Variants in DIPK2B observed in about 807,000 individuals in gnomAD.
DIPK2B encodes divergent protein kinase domain 2B, also known as UPF0672 protein CXorf36.
A neutral mutation model predicts 22.2 loss-of-function variants in DIPK2B; 15 were observed. That is an observed-to-expected ratio of 0.68 (90% CI 0.45 to 1.04). DIPK2B has a LOEUF of 1.04. Among genes scored for constraint, DIPK2B ranks in the 50% least tolerant of loss-of-function variants. DIPK2B has a pLI of 0.00. For missense variants in DIPK2B, 345 were observed against 348.3 expected, an observed-to-expected ratio of 0.99 and a Z score of 0.08; for synonymous variants, 163 against 153.2, an observed-to-expected ratio of 1.06 and a Z score of -0.47.
intron 2 of DIPK2B, among the ~76,000 whole-genome samples, chrX:45,175,165 C>T (rs1415038378): frequency 9.0e-6 from 1 of 111,361 alleles, no homozygotes; most frequent in African/African-American, 3.3e-5. Flanking sequence ...CATGCCGGGT[C>T]CATAGAAAGT....
chrX:45,196,071 C>T (rs1363225579), intron 1 of DIPK2B, among the ~76,000 whole-genome samples: 3 of 112,466 alleles, frequency 2.7e-5, no homozygotes, highest in Non-Finnish European at 5.6e-5. Context: ...AAAGTAAACT[C>T]CTTCAGAGCA....
rs981246186 is a variant in DIPK2B at position 45,149,788 on chromosome X, T to A, written c.*1864A>T. ...TTCACTGGGGCTCAGCTTGCAGGGG[T>A]TCTAGAAATATCTCCACAGATCGCT... On this transcript the variant is annotated 3_prime_UTR_variant, in exon 5 of 5. Transcript: ENST00000398000. The A allele has an allele frequency of 5.3e-5, 6 of 112,357 alleles. No individual in the cohort carries two copies. The highest frequency in any genetic ancestry group is 2.0e-4 in the African/African-American group (6 of 30,765). 9.3% of individuals were successfully genotyped at this position (112,357 alleles called of 1,213,427 possible).
At chrX:45,167,933 C>A (rs1024631361) in intron 2 of DIPK2B, among the ~76,000 whole-genome samples, 4 of 112,645 alleles carry the variant, frequency 3.6e-5, no homozygotes, top group African/African-American at 1.3e-4. Flanking sequence ...GATCCGCCTG[C>A]CTTGGCCTCC....
intron 2 of DIPK2B, among the ~76,000 whole-genome samples, chrX:45,188,471 G>A (rs746073984): frequency 8.9e-4 from 100 of 112,179 alleles, no homozygotes; most frequent in Non-Finnish European, 1.7e-3. Flanking sequence ...TTAACTTCCC[G>A]GCACAAATTA....
At chrX:45,172,541 ACT>A (rs1322350472) in intron 2 of DIPK2B, among the ~76,000 whole-genome samples, 1 of 109,097 alleles carries the variant, frequency 9.2e-6, no homozygotes, top group Non-Finnish European at 1.9e-5. Flanking sequence ...CCTATTAAAG[ACT>A]CTTTCTTTCC....
rs1232898063 is a variant in DIPK2B at position 45,153,521 on chromosome X, T to TGTGTGA, written c.961+388_961+389insTCACAC. On this transcript the variant is annotated intron_variant, in intron 4 of 4. Coordinates refer to ENST00000398000, the MANE Select transcript of DIPK2B (RefSeq NM_176819.4). Reference sequence around the variant, plus strand: ...GTGTGTGTGTGTGTGTGTGTGTGTGTGACAGAGAGAGAGGAGAGAGAGAGA... The same window carrying TGTGTGA: ...GTGTGTGTGTGTGTGTGTGTGTGTGTGTGTGAGACAGAGAGAGAGGAGAGAGAGAGA... 5.9e-3 allele frequency among the ~76,000 whole-genome samples: 566 copies of TGTGTGA among 96,682 alleles called. 10 individuals carry two copies. Among genetic ancestry groups the TGTGTGA allele is most frequent in the African/African-American group, 0.021 (513 of 24,417 alleles). 84.0% of individuals were successfully genotyped at this position (96,682 alleles called of 115,157 possible).
chrX:45,148,934 G>A lies in DIPK2B; in HGVS notation c.*2718C>T, dbSNP rs1299806801. 4.5e-5 allele frequency: 5 copies of A among 112,142 alleles called. No homozygotes were observed. The East Asian group carries it at 1.4e-3, about 32-fold the overall frequency. The allele number at this position is 112,142 out of a possible 1,213,427, so 9.2% of individuals were successfully genotyped here. A position where few individuals can be genotyped will look rare whatever the true frequency, so the allele number is the denominator to read the frequency against. On this transcript the variant is annotated 3_prime_UTR_variant, in exon 5 of 5. Coordinates refer to ENST00000398000, the MANE Select transcript of DIPK2B (RefSeq NM_176819.4). ...TTCTGCTGATACAGGTGGGTCCCAA[G>A]TCTGCATTTCCTGTCTGGACTCAGC...
chrX:45,163,335 T>C, intron 2 of DIPK2B: 26 of 644,970 alleles, frequency 4.0e-5, no homozygotes, highest in Non-Finnish European at 4.8e-5. Context: ...GACATGTATA[T>C]GTATCTCCTA....
chrX:45,197,330 C>T (rs1333258251), intron 1 of DIPK2B, among the ~76,000 whole-genome samples: 3 of 110,696 alleles, frequency 2.7e-5, no homozygotes, highest in Non-Finnish European at 3.8e-5. Context: ...CTCCGCCTCC[C>T]GGGTTCAAGC....
chrX:45,157,530 C>G (rs1212239285), intron 3 of DIPK2B, among the ~76,000 whole-genome samples, 185 bp downstream of exon 3: 3 of 111,771 alleles, frequency 2.7e-5, no homozygotes, highest in Admixed American at 9.5e-5. Flanking sequence ...GGCTCCCACA[C>G]CTGTTTCCTC....
In DIPK2B at chrX:45,154,334, A is replaced by T. The variant is rs866714617; in HGVS notation, c.673-136T>A. ...ATCTATCTATCTGTCTATCTATATC[A>T]ATCATCTATATCTATCATCTATCTC... On this transcript the variant is annotated intron_variant, in intron 3 of 4. Transcript: ENST00000398000. 1.2e-4 allele frequency: 65 copies of T among 530,644 alleles called. No individual in the cohort carries two copies. In the African/African-American group the frequency reaches 1.3e-3, roughly 11 times the overall value. 43.7% of individuals were successfully genotyped at this position (530,644 alleles called of 1,213,427 possible).
chrX:45,176,575 G>A (rs763127736), intron 2 of DIPK2B, among the ~76,000 whole-genome samples: 1 of 112,024 alleles, frequency 8.9e-6, no homozygotes, highest in South Asian at 3.7e-4. Flanking sequence ...CACATGTTGG[G>A]GCTCTAGATG....
At chrX:45,153,555 AAG>A (rs1371925535) in intron 4 of DIPK2B, among the ~76,000 whole-genome samples, 26 of 32,319 alleles carry the variant, frequency 8.0e-4, no homozygotes, top group South Asian at 1.4e-3. Flanking sequence ...GAGAGTGAGA[AAG>A]AGAGAGAGAG....
Position 45,157,777 on chromosome X carries a change from C to T in DIPK2B, c.610G>A (p.Asp204Asn), listed in dbSNP as rs1253132192. The T allele has an allele frequency of 1.7e-6, 2 of 1,194,060 alleles. No individual in the cohort carries two copies. The highest frequency in any genetic ancestry group is 1.1e-6 in the Non-Finnish European group (1 of 887,400). ...TAGAGCAGGCGCAGCTTGTCACGGT[C>T]GGTGAAGTGGTCCATGAAGATGCTG... ...AGSIFMDHFT[D>N]RDKLRLLYTL... Residue 204 changes from aspartate (D) to asparagine (N), a missense_variant, in exon 3 of 5, where the codon GAC becomes AAC. Physicochemically the swap from Asp to Asn is conservative, Grantham distance 23. Coordinates refer to ENST00000398000, the MANE Select transcript of DIPK2B (RefSeq NM_176819.4).
rs2046949040 is a variant in DIPK2B at position 45,149,368 on chromosome X, G to C, written c.*2284C>G. 1.8e-5 allele frequency: 2 copies of C among 112,285 alleles called. No individual in the cohort carries two copies. The highest frequency in any genetic ancestry group is 3.2e-5 in the African/African-American group (1 of 30,804). The allele number at this position is 112,285 out of a possible 1,213,427, so 9.3% of individuals were successfully genotyped here. A position where few individuals can be genotyped will look rare whatever the true frequency, so the allele number is the denominator to read the frequency against. On this transcript the variant is annotated 3_prime_UTR_variant, in exon 5 of 5. Coordinates refer to ENST00000398000, the MANE Select transcript of DIPK2B (RefSeq NM_176819.4). ...CTGTGACTGTGCAGGTGAGAAGGGT[G>C]GTCAGTCTTCACCCTCAAGACCAAC... is the stretch of plus-strand genomic sequence containing the variant.
At chrX:45,158,993 G>A (rs184642090) in intron 2 of DIPK2B, among the ~76,000 whole-genome samples, 111 of 111,012 alleles carry the variant, frequency 1.0e-3, no homozygotes, top group African/African-American at 3.5e-3. Flanking sequence ...CCTTTTCCCC[G>A]TAATAGGCCC....
At chrX:45,174,561 G>A (rs12006640) in intron 2 of DIPK2B, among the ~76,000 whole-genome samples, 5,975 of 109,681 alleles carry the variant, frequency 0.054, 408 homozygotes, top group African/African-American at 0.19. Flanking sequence ...TATGAGCATG[G>A]CCTTGAAGAA....
intron 2 of DIPK2B, among the ~76,000 whole-genome samples, chrX:45,181,464 C>T (rs1489410603): frequency 1.8e-5 from 2 of 112,137 alleles, no homozygotes; most frequent in African/African-American, 6.5e-5. Flanking sequence ...GCTCACTATA[C>T]ACCTACAGTA....
chrX:45,191,763 C>T lies in DIPK2B; in HGVS notation c.486G>A (p.Pro162=), dbSNP rs377619966. The T allele has an allele frequency of 8.7e-5, 105 of 1,209,346 alleles. No individual in the cohort carries two copies. The East Asian group carries it at 1.1e-3, about 12-fold the overall frequency. ...QKWLQAKRLT[P]DLVQGLASPL... ...CCTTCACACTCACCTGCACCAGGTCCGGCGTGAGGCGCTTGGCCTGCAGCC... is the reference window on the plus strand; with the variant it reads ...CCTTCACACTCACCTGCACCAGGTCTGGCGTGAGGCGCTTGGCCTGCAGCC... The change falls in exon 2 of 5, where the codon CCG becomes CCA. Residue 162 remains proline, a synonymous_variant. Coordinates refer to ENST00000398000, the MANE Select transcript of DIPK2B (RefSeq NM_176819.4).
Sources: allele counts gnomAD v4.1 joint callset (sites outside exome capture counted in the v4.1 genomes callset), GRCh38; gene constraint gnomAD v4.1.1; transcripts MANE v1.5; gene names NCBI Gene and HGNC (gene_info 2026-07-23, HGNC 2026-07-21).